The following SH3BP4 variants were observed in gnomAD, a reference collection of about 807,000 sequenced individuals.
SH3BP4 encodes SH3 domain binding protein 4.
A neutral mutation model predicts 65.5 loss-of-function variants in SH3BP4; 33 were observed. The observed-to-expected ratio is 0.50, with a 90% CI of 0.38 to 0.67. SH3BP4 has a LOEUF of 0.67. SH3BP4 is among the 30% of genes least tolerant of loss of function. The pLI is 0.00. For synonymous variants in SH3BP4, 552 were observed against 545.5 expected (o/e 1.01, Z -0.17); for missense variants, 1,134 against 1,261.4 (o/e 0.90, Z 1.53).
At chr2:234,966,919 C>G (rs1692851138) in intron 1 of SH3BP4, among the ~76,000 whole-genome samples, 2 of 152,234 alleles carry the variant, frequency 1.3e-5, no homozygotes, top group South Asian at 2.1e-4. Flanking sequence ...CATAATCCTA[C>G]TTCGCTAACT....
intron 1 of SH3BP4, among the ~76,000 whole-genome samples, chr2:234,955,873 T>C (rs1692574998): frequency 6.6e-6 from 1 of 152,190 alleles, no homozygotes; most frequent in Non-Finnish European, 1.5e-5. Context: ...TACGAGAATT[T>C]AAGAAACTCC....
intron 2 of SH3BP4, among the ~76,000 whole-genome samples, chr2:235,000,426 C>A (rs1467112748): frequency 6.6e-6 from 1 of 152,214 alleles, no homozygotes; most frequent in East Asian, 1.9e-4. Flanking sequence ...CTGATCTGGG[C>A]CCCGCCCTTT....
At chr2:235,025,173 C>G (rs890701232) in intron 2 of SH3BP4, among the ~76,000 whole-genome samples, 1 of 152,152 alleles carries the variant, frequency 6.6e-6, no homozygotes, top group African/African-American at 2.4e-5. Flanking sequence ...TGCCTAAACC[C>G]CAGGCTTGAT....
At chr2:234,982,538 C>G (rs898372635) in intron 1 of SH3BP4, among the ~76,000 whole-genome samples, 3 of 152,124 alleles carry the variant, frequency 2.0e-5, no homozygotes, top group African/African-American at 7.2e-5. Context: ...GAAACTCACG[C>G]ACAGGGAGGA....
At chr2:235,024,052 GC>G (rs1694922839) in intron 2 of SH3BP4, among the ~76,000 whole-genome samples, 1 of 152,180 alleles carries the variant, frequency 6.6e-6, no homozygotes, top group Non-Finnish European at 1.5e-5. Flanking sequence ...ATTTTTCATT[GC>G]TTTTTTGCTC....
intron 2 of SH3BP4, among the ~76,000 whole-genome samples, chr2:235,023,318 G>A (rs976360299): frequency 1.3e-5 from 2 of 152,150 alleles, no homozygotes; most frequent in Admixed American, 6.5e-5. Context: ...AGGCTGAGGC[G>A]GGTGGATCAC....
chr2:235,018,097 G>A (rs983922474), intron 2 of SH3BP4, among the ~76,000 whole-genome samples: 4 of 152,192 alleles, frequency 2.6e-5, no homozygotes, highest in Non-Finnish European at 4.4e-5. Context: ...CTGTGTTCAA[G>A]GGTCTAAGTG....
At chr2:234,961,363 C>G (rs1692710704) in intron 1 of SH3BP4, among the ~76,000 whole-genome samples, 1 of 152,234 alleles carries the variant, frequency 6.6e-6, no homozygotes, top group Non-Finnish European at 1.5e-5. Context: ...TCTCCACCCA[C>G]TGAGTTGAAG....
chr2:235,039,558 T>A (rs1461791102), intron 3 of SH3BP4, among the ~76,000 whole-genome samples: 2 of 151,696 alleles, frequency 1.3e-5, no homozygotes, highest in Non-Finnish European at 2.9e-5. Flanking sequence ...GAAGCCAGAA[T>A]GTCAGCAGAC....
At position 234,974,486 on chromosome 2, in the gene SH3BP4, G is replaced by A. The variant is rs916060304; in HGVS notation, c.-206-20817G>A. 2.0e-5 allele frequency among the ~76,000 whole-genome samples: 3 copies of A among 152,202 alleles called. No individual in the cohort carries two copies. The highest frequency in any genetic ancestry group is 7.2e-5 in the African/African-American group (3 of 41,446). On this transcript the variant is annotated intron_variant, in intron 1 of 5. Coordinates refer to ENST00000392011, the MANE Select transcript of SH3BP4 (RefSeq NM_014521.3). This position sits in a 1 kb window ranked among gnomAD's most constrained non-coding sequence, Gnocchi z 4.6. ...GCAGGATGAGTTGCTCTGTGGACAG[G>A]CAGCCCTGGAGCTAACAGGAGTATC...
chr2:234,973,315 G>A (rs1283188370), intron 1 of SH3BP4, among the ~76,000 whole-genome samples: 6 of 152,094 alleles, frequency 3.9e-5, no homozygotes, highest in African/African-American at 1.4e-4. Flanking sequence ...GTGCTGTTTC[G>A]TGACCCCTCG....
intron 1 of SH3BP4, among the ~76,000 whole-genome samples, chr2:234,989,046 G>A (rs1040491550): frequency 6.6e-6 from 1 of 152,164 alleles, no homozygotes; most frequent in African/African-American, 2.4e-5. Flanking sequence ...GATTTTGATA[G>A]CATGAAGTAG....
Position 235,035,853 on chromosome 2 carries a change from G to A in SH3BP4, c.118+733G>A, listed in dbSNP as rs116841465. Among the ~76,000 whole-genome samples, 140 of 152,320 alleles carry A rather than the reference G, an allele frequency of 9.2e-4. 3 individuals are homozygous for A. In the East Asian group the frequency reaches 0.024, roughly 26 times the overall value. On this transcript the variant is annotated intron_variant, in intron 3 of 5. Transcript: ENST00000392011. This position sits in a 1 kb window ranked among gnomAD's most constrained non-coding sequence, Gnocchi z 5.0. ...GCACATCTGCCCTAACCTAGGCCAC[G>A]TTCAGTCTCTCTCACATGCTCCTTT...
chr2:235,011,557 C>A (rs1220892097), intron 2 of SH3BP4, among the ~76,000 whole-genome samples: 1 of 152,244 alleles, frequency 6.6e-6, no homozygotes, highest in African/African-American at 2.4e-5. Context: ...CTCTCGCTGT[C>A]TTCCCTGGAT....
intron 2 of SH3BP4, among the ~76,000 whole-genome samples, chr2:235,007,700 C>A (rs925477239): frequency 6.6e-6 from 1 of 152,096 alleles, no homozygotes; most frequent in African/African-American, 2.4e-5. Context: ...GAAGAAGAGA[C>A]CAGGCGTGCA....
rs919966657 is a variant in SH3BP4, at chr2:234,991,288, C to T, written c.-206-4015C>T. On this transcript the variant is annotated intron_variant, in intron 1 of 5. Transcript: ENST00000392011. The surrounding 1 kb of genome is among the most constrained non-coding windows in gnomAD (Gnocchi z 4.2). ...TCATTTATCCACTCACCCTCCCAGA[C>T]CCTCTGAGGTGGGATCAACTCTCTG... Among the ~76,000 whole-genome samples, 2 of 152,186 alleles carry T rather than the reference C, an allele frequency of 1.3e-5. No individual in the cohort carries two copies. The highest frequency in any genetic ancestry group is 2.1e-4 in the South Asian group (1 of 4,830).
intron 2 of SH3BP4, among the ~76,000 whole-genome samples, chr2:235,006,517 G>A (rs930920149): frequency 6.6e-6 from 1 of 152,212 alleles, no homozygotes; most frequent in African/African-American, 2.4e-5. Flanking sequence ...CTGCAGGCGG[G>A]ACCACAGGAC....
At chr2:235,001,353 G>A (rs956095178) in intron 2 of SH3BP4, among the ~76,000 whole-genome samples, 2 of 152,166 alleles carry the variant, frequency 1.3e-5, no homozygotes, top group Non-Finnish European at 2.9e-5. Flanking sequence ...CTCAAAAAAC[G>A]TTAACAACCT....
Position 235,002,242 on chromosome 2 carries a change from C to G in SH3BP4, c.-133+6866C>G, listed in dbSNP as rs1174396302. 1.3e-5 allele frequency among the ~76,000 whole-genome samples: 2 copies of G among 152,166 alleles called. 1 individual carries two copies. The highest frequency in any genetic ancestry group is 6.3e-3 in the Middle Eastern group (2 of 316). The stretch of plus-strand genomic sequence containing the variant: ...AGGAAGCTGCGGGAGAGAACTGTTA[C>G]TATACAGGATTTGAAGAACTCTCCT... On this transcript the variant is annotated intron_variant, in intron 2 of 5. Transcript: ENST00000392011.
Sources: gnomAD v4.1 joint callset for allele counts (sites outside exome capture counted in the v4.1 genomes callset) on GRCh38, gnomAD v4.1.1 for gene constraint, Gnocchi (gnomAD v3.1) non-coding constraint, MANE v1.5 for transcripts, NCBI Gene and HGNC (gene_info 2026-07-23, HGNC 2026-07-21) for gene names.